Variants in CFAP298 observed in about 807,000 individuals in gnomAD.
The protein encoded by CFAP298 is cilia- and flagella-associated protein 298.
A neutral mutation model predicts 41.0 loss-of-function variants in CFAP298; 38 were observed. The observed-to-expected ratio is 0.93, with a 90% CI of 0.72 to 1.22. CFAP298 has a LOEUF of 1.22. CFAP298 is among the 50% of genes most tolerant of loss of function. The probability of loss-of-function intolerance (pLI) is 0.00; values close to 1 mark genes in which losing one functional copy is unlikely to be tolerated. For synonymous variants in CFAP298, 137 were observed against 135.3 expected, an observed-to-expected ratio of 1.01 and a Z score of -0.09; for missense variants, 348 against 360.3, an observed-to-expected ratio of 0.97 and a Z score of 0.28.
chr21:32,603,444 G>A, intron 4 of CFAP298, 152 bp from the exon 5 acceptor site: 1 of 726,410 alleles, frequency 1.4e-6, no homozygotes, highest in South Asian at 1.8e-5. Flanking sequence ...AGTCCTTGCT[G>A]ACTTTAGTAC....
chr21:32,603,370 G>A (rs1366767100), intron 4 of CFAP298, 78 bp from the exon 5 acceptor site: 2 of 1,516,542 alleles, frequency 1.3e-6, no homozygotes, highest in Non-Finnish European at 1.8e-6. Flanking sequence ...CTCCCAGCAG[G>A]GGGCAGGGGA....
chr21:32,608,224 C>CAAAA (rs751998741), intron 2 of CFAP298, among the ~76,000 whole-genome samples: 55 of 93,860 alleles, frequency 5.9e-4, no homozygotes, highest in African/African-American at 1.1e-3. Flanking sequence ...GCTTAGAAGC[C>CAAAA]AAAAAAAAAA....
chr21:32,599,720 C>T lies in CFAP298; in HGVS notation c.*2143G>A, dbSNP rs970346580. Among the ~76,000 whole-genome samples, 4 of 152,162 alleles carry T rather than the reference C, an allele frequency of 2.6e-5. No individual in the cohort carries two copies. Among genetic ancestry groups the T allele is most frequent in the Non-Finnish European group, 5.9e-5 (4 of 68,036 alleles). ...GGATGCAAAGGGAACACACACAGCA[C>T]GGTGCCACAGCGGGCACCACCTGCC... On this transcript the variant is annotated 3_prime_UTR_variant, in exon 7 of 7. Transcript: ENST00000290155.
intron 5 of CFAP298, chr21:32,602,716 G>C: frequency 1.6e-6 from 2 of 1,248,328 alleles, no homozygotes; most frequent in South Asian, 2.0e-5. Flanking sequence ...TCACAGCCTA[G>C]TGACGTAGGA....
chr21:32,607,752 G>A (rs1169629410), intron 2 of CFAP298, 36 bp from the exon 3 acceptor site: 1 of 1,309,550 alleles, frequency 7.6e-7, no homozygotes, highest in East Asian at 2.3e-5. Flanking sequence ...AGAAAGAGCT[G>A]TCAAATACAA....
intron 3 of CFAP298, among the ~76,000 whole-genome samples, chr21:32,606,845 T>C (rs1319776597): frequency 6.6e-6 from 1 of 152,236 alleles, no homozygotes; most frequent in Middle Eastern, 3.2e-3. Context: ...TTAAATTCTC[T>C]TCCTCCAGAT....
Position 32,599,728 on chromosome 21 carries a change from C to T in CFAP298, c.*2135G>A, listed in dbSNP as rs1238445919. Among the ~76,000 whole-genome samples the T allele has an allele frequency of 6.6e-6, 1 of 152,178 alleles. No homozygotes were observed. The highest frequency in any genetic ancestry group is 1.5e-5 in the Non-Finnish European group (1 of 68,034). On this transcript the variant is annotated 3_prime_UTR_variant, in exon 7 of 7. Transcript: ENST00000290155. The stretch of plus-strand genomic sequence containing the variant: ...AGGGAACACACACAGCACGGTGCCA[C>T]AGCGGGCACCACCTGCCCCCCGCCG...
Position 32,612,147 on chromosome 21 carries a change from G to A in CFAP298, c.97C>T (p.Arg33Trp), listed in dbSNP as rs753786167. The change falls in exon 1 of 7, where the codon CGG becomes TGG. Residue 33 changes from arginine (R) to tryptophan (W), a missense_variant. By Grantham distance (101) the Arg-to-Trp change is moderately radical. Coordinates refer to ENST00000290155, the MANE Select transcript of CFAP298 (RefSeq NM_021254.4). ...ELEELTVQVARVYNGRLKVQR... is the reference protein window; with the variant it reads ...ELEELTVQVAWVYNGRLKVQR... ...ACCTTGAGCCGCCCATTATAGACCC[G>A]GGCCACCTGCACCGTGAGCTCCTCC... 19 of 1,577,556 alleles carry A rather than the reference G, an allele frequency of 1.2e-5. No individual in the cohort carries two copies. The highest frequency in any genetic ancestry group is 3.7e-5 in the Admixed American group (2 of 54,536).
Position 32,602,316 on chromosome 21 carries a change from T to G in CFAP298, c.718A>C (p.Lys240Gln). The G allele has an allele frequency of 2.5e-6, 4 of 1,614,064 alleles. No individual in the cohort carries two copies. Among genetic ancestry groups the G allele is most frequent in the Non-Finnish European group, 2.5e-6 (3 of 1,180,038 alleles). Reference protein sequence around the residue: ...REPIISSEEQKQLMLYYHRRQ... With the variant: ...REPIISSEEQQQLMLYYHRRQ... ...CTGTGATAGTACAGCATCAGCTGCT[T>G]CTGCTCCTCACTGCTAATAATAGGC... The change falls in exon 6 of 7, where the codon AAG (lysine) becomes CAG (glutamine). Residue 240 changes from lysine to glutamine, a missense_variant. Coordinates refer to ENST00000290155, the MANE Select transcript of CFAP298 (RefSeq NM_021254.4).
rs1408153256 is a variant in CFAP298 at position 32,601,822 on chromosome 21, G to A, written c.*41C>T. 2 of 1,015,438 alleles carry A rather than the reference G, an allele frequency of 2.0e-6. No homozygotes were observed. The highest frequency in any genetic ancestry group is 3.1e-6 in the Non-Finnish European group (2 of 644,914). The allele number at this position is 1,015,438 out of a possible 1,614,324, so 62.9% of individuals were successfully genotyped here. ...TTAAATTATAATTGCCTAGGAGAAA[G>A]GTGAGCTAATCTCTTTGGAAGTGTC... On this transcript the variant is annotated 3_prime_UTR_variant, in exon 7 of 7. Transcript: ENST00000290155.
intron 2 of CFAP298, among the ~76,000 whole-genome samples, chr21:32,608,669 A>G (rs984667121): frequency 6.6e-6 from 1 of 151,568 alleles, no homozygotes; most frequent in Admixed American, 6.6e-5. Context: ...AAAAAAAAAA[A>G]AAAAAAAAAA....
In CFAP298 at chr21:32,602,302, C is replaced by T. The variant is rs758517253; in HGVS notation, c.732G>A (p.Leu244=). The change falls in exon 6 of 7, where the codon CTG becomes CTA. Residue 244 remains leucine (L), a synonymous_variant. Transcript: ENST00000290155. ...ISSEEQKQLM[L]YYHRRQEELK... is the part of the protein sequence containing the mutation. Reference sequence around the variant, plus strand: ...GCTCCTCTTGTCTTCTGTGATAGTACAGCATCAGCTGCTTCTGCTCCTCAC... The same window carrying T: ...GCTCCTCTTGTCTTCTGTGATAGTATAGCATCAGCTGCTTCTGCTCCTCAC... 2 of 1,613,978 alleles carry T rather than the reference C, an allele frequency of 1.2e-6. No individual in the cohort carries two copies. Among genetic ancestry groups the T allele is most frequent in the African/African-American group, 1.3e-5 (1 of 74,938 alleles).
intron 4 of CFAP298, 128 bp from the exon 5 acceptor site, chr21:32,603,420 C>CATG: frequency 3.3e-6 from 3 of 900,650 alleles, no homozygotes; most frequent in Non-Finnish European, 5.1e-6. Context: ...GCCTGACTCC[C>CATG]GCACCTCACT....
Position 32,602,288 on chromosome 21 carries a change from C to T in CFAP298, c.746G>A (p.Arg249Lys). ...CCCTGCTACCTTGAGCTCCTCTTGT[C>T]TTCTGTGATAGTACAGCATCAGCTG... is the stretch of plus-strand genomic sequence containing the variant. ...QKQLMLYYHRRQEELKRLEEN... is the reference protein window; with the variant it reads ...QKQLMLYYHRKQEELKRLEEN... The change falls in exon 6 of 7, where the codon AGA becomes AAA. Residue 249 changes from arginine (R) to lysine (K), a missense_variant. By Grantham distance (26) the Arg-to-Lys change is conservative. Coordinates refer to ENST00000290155, the MANE Select transcript of CFAP298 (RefSeq NM_021254.4). 3.7e-6 allele frequency: 6 copies of T among 1,614,124 alleles called. No homozygotes were observed. The highest frequency in any genetic ancestry group is 5.1e-6 in the Non-Finnish European group (6 of 1,180,040).
chr21:32,604,445 G>A (rs1011904060), intron 3 of CFAP298, 162 bp from the exon 4 acceptor site: 12 of 724,250 alleles, frequency 1.7e-5, no homozygotes, highest in South Asian at 1.4e-4. Context: ...GGGGCTGAGC[G>A]AAGCACACCG....
intron 3 of CFAP298, among the ~76,000 whole-genome samples, chr21:32,604,887 C>T (rs1388370438): frequency 1.3e-5 from 2 of 152,146 alleles, no homozygotes; most frequent in African/African-American, 4.8e-5. Flanking sequence ...ATAGAACAGA[C>T]CTAGTTGGCC....
rs1255094130 is a variant in CFAP298, at chr21:32,600,049, A to G, written c.*1814T>C. Among the ~76,000 whole-genome samples, 1 of 152,196 alleles carries G rather than the reference A, an allele frequency of 6.6e-6. No homozygotes were observed. Among genetic ancestry groups the G allele is most frequent in the Non-Finnish European group, 1.5e-5 (1 of 68,038 alleles). ...TAGTTCCCTGAAAAGAGCTACTATG[A>G]TCACATGGCTTGGTTAACTGTTTCT... is the stretch of plus-strand genomic sequence containing the variant. On this transcript the variant is annotated 3_prime_UTR_variant, in exon 7 of 7. Transcript: ENST00000290155.
chr21:32,610,028 T>C (rs773676621), intron 1 of CFAP298, 23 bp from the exon 2 acceptor site: 54 of 1,603,096 alleles, frequency 3.4e-5, no homozygotes, highest in South Asian at 1.7e-4. Context: ...TGAAAGACAG[T>C]ATCACAATCA....
chr21:32,607,199 G>A (rs1015650608), intron 3 of CFAP298, among the ~76,000 whole-genome samples: 1 of 152,160 alleles, frequency 6.6e-6, no homozygotes, highest in African/African-American at 2.4e-5. Flanking sequence ...AAAAGCTACA[G>A]CCTACCCCAA....
Sources: allele counts gnomAD v4.1 joint callset (sites outside exome capture counted in the v4.1 genomes callset), GRCh38; gene constraint gnomAD v4.1.1; transcripts MANE v1.5; gene names NCBI Gene and HGNC (gene_info 2026-07-23, HGNC 2026-07-21).